The following ZCCHC2 variants were observed in gnomAD, a reference collection of about 807,000 sequenced individuals.
ZCCHC2 encodes zinc finger CCHC-type containing 2.
Under a neutral mutation model 103.6 loss-of-function variants are expected in ZCCHC2, and 39 were observed. That is an observed-to-expected ratio of 0.38 (90% confidence interval 0.29 to 0.49). ZCCHC2 has a LOEUF of 0.49. Ranked by LOEUF, ZCCHC2 falls within the 20% of genes least tolerant of loss-of-function variation. The pLI is 0.96. For synonymous variants in ZCCHC2, 687 were observed against 608.9 expected, an observed-to-expected ratio of 1.13 and a Z score of -1.89; for missense variants, 1,483 against 1,491.0, an observed-to-expected ratio of 0.99 and a Z score of 0.09.
At chr18:62,526,052 G>C (rs1346926165) in intron 1 of ZCCHC2, 1 of 152,068 alleles carries the variant, frequency 6.6e-6, no homozygotes, top group African/African-American at 2.4e-5. Flanking sequence ...CTTGATTTCT[G>C]ATTTTAACTG....
At chr18:62,534,593 C>T (rs1042227899) in intron 1 of ZCCHC2, among the ~76,000 whole-genome samples, 5 of 152,116 alleles carry the variant, frequency 3.3e-5, no homozygotes, top group African/African-American at 4.8e-5. Flanking sequence ...CTGAAGTGAA[C>T]GCTCTATAAC....
At chr18:62,558,282 C>T (rs528333451) in intron 6 of ZCCHC2, among the ~76,000 whole-genome samples, 14 of 152,260 alleles carry the variant, frequency 9.2e-5, no homozygotes, top group African/African-American at 3.1e-4. Context: ...GAGAGATTAA[C>T]AATTTGACAG....
intron 12 of ZCCHC2, among the ~76,000 whole-genome samples, chr18:62,571,035 C>T (rs1488903898): frequency 6.6e-6 from 1 of 152,236 alleles, no homozygotes; most frequent in African/African-American, 2.4e-5. Context: ...TTCAAAGCCT[C>T]CTGTAGCCAT....
chr18:62,557,254 C>T (rs1052964225), intron 6 of ZCCHC2, among the ~76,000 whole-genome samples: 2 of 152,178 alleles, frequency 1.3e-5, no homozygotes, highest in Admixed American at 6.5e-5. Flanking sequence ...GTAACATTGG[C>T]GTGTCCTTTA....
chr18:62,555,019 A>G (rs1191069116), intron 5 of ZCCHC2, among the ~76,000 whole-genome samples: 1 of 152,210 alleles, frequency 6.6e-6, no homozygotes, highest in African/African-American at 2.4e-5. Context: ...ATGCGCATTA[A>G]AAGTGTTCAA....
At position 62,539,694 on chromosome 18, in the gene ZCCHC2, A is replaced by T. The variant is rs373430765; in HGVS notation, c.953A>T (p.His318Leu). 6.3e-7 allele frequency: 1 copy of T among 1,593,048 alleles called. No homozygotes were observed. The highest frequency in any genetic ancestry group is 8.6e-7 in the Non-Finnish European group (1 of 1,169,176). ...AGPRAQNNSA[H>L]GDYMQNNESS... The stretch of plus-strand genomic sequence containing the variant: ...TTTCTCATCTAGAACAACTCTGCTC[A>T]TGGTGATTACATGCAAAATAACGAG... Residue 318 changes from histidine to leucine, a missense_variant, in exon 2 of 14, where the codon CAT (histidine) becomes CTT (leucine). This residue lies in a region of ZCCHC2 where 568 missense variants were observed against 525.1 expected (regional missense o/e 1.08). Transcript: ENST00000269499.
exon 15 of ZCCHC2, chr18:62,584,448 C>G (rs1340726730): frequency 6.6e-6 from 1 of 152,086 alleles, no homozygotes; most frequent in Non-Finnish European, 1.5e-5. Context: ...TCTTGCAGTT[C>G]CAATTTGAGC....
chr18:62,526,737 G>T (rs942260754), intron 1 of ZCCHC2, among the ~76,000 whole-genome samples: 3 of 152,052 alleles, frequency 2.0e-5, no homozygotes, highest in African/African-American at 4.8e-5. Context: ...CGGAGGTCAC[G>T]CAACGCCCGG....
chr18:62,524,697 T>C, intron 1 of ZCCHC2: 1 of 314,584 alleles, frequency 3.2e-6, no homozygotes, highest in Non-Finnish European at 5.8e-6. Flanking sequence ...CGTTTTTGGC[T>C]CTGAGCATCT....
At chr18:62,550,644 A>T (rs549176454) in intron 5 of ZCCHC2, among the ~76,000 whole-genome samples, 184 bp downstream of exon 5, 24 of 152,356 alleles carry the variant, frequency 1.6e-4, no homozygotes, top group African/African-American at 5.8e-4. Context: ...TAGTTTCATC[A>T]TTGTACTCTT....
intron 1 of ZCCHC2, among the ~76,000 whole-genome samples, chr18:62,527,461 A>G (rs1914483899): frequency 6.6e-6 from 1 of 152,240 alleles, no homozygotes; most frequent in African/African-American, 2.4e-5. Flanking sequence ...TTGGAAATAC[A>G]GGAAAGCTCA....
chr18:62,549,380 T>C (rs17070083), intron 4 of ZCCHC2, among the ~76,000 whole-genome samples: 33,663 of 152,208 alleles, frequency 0.22, 3,958 homozygotes, highest in South Asian at 0.31. Flanking sequence ...CAATGAGGAA[T>C]GCTTTATGCT....
chr18:62,538,990 TTTAC>T (rs938812170), intron 1 of ZCCHC2, among the ~76,000 whole-genome samples: 15 of 94,932 alleles, frequency 1.6e-4, no homozygotes, highest in East Asian at 8.0e-4. Context: ...AGGCTATTTA[TTTAC>T]TTACTTAATA....
At chr18:62,527,163 C>T (rs1914463874) in intron 1 of ZCCHC2, among the ~76,000 whole-genome samples, 1 of 152,110 alleles carries the variant, frequency 6.6e-6, no homozygotes, top group African/African-American at 2.4e-5. Context: ...AAGTTAGCAT[C>T]TTTTTAATTC....
chr18:62,567,170 T>TA (rs1568555383), intron 11 of ZCCHC2, among the ~76,000 whole-genome samples: 4 of 152,218 alleles, frequency 2.6e-5, no homozygotes, highest in African/African-American at 9.6e-5. Context: ...TTCCAACTTT[T>TA]AAAAAACCCC....
intron 14 of ZCCHC2, among the ~76,000 whole-genome samples, chr18:62,583,656 A>G (rs1598974660): frequency 1.6e-5 from 1 of 63,072 alleles, no homozygotes; most frequent in South Asian, 7.4e-4. Context: ...TAAAAGAATA[A>G]AAAAATACTG....
At position 62,577,571 on chromosome 18, in the gene ZCCHC2, A is replaced by T. The variant is rs932553873; in HGVS notation, c.*992A>T. 2 of 152,616 alleles carry T rather than the reference A, an allele frequency of 1.3e-5. No individual in the cohort carries two copies. Among genetic ancestry groups the T allele is most frequent in the Non-Finnish European group, 2.9e-5 (2 of 68,038 alleles). The allele number at this position is 152,616 out of a possible 1,614,324, so 9.5% of individuals were successfully genotyped here. ...GTATGGTTTATTGCAATCTGAACAGAGCTATGGGTTTCTACCATAAGTCAG... is the reference window on the plus strand; with the variant it reads ...GTATGGTTTATTGCAATCTGAACAGTGCTATGGGTTTCTACCATAAGTCAG... On this transcript the variant is annotated 3_prime_UTR_variant, in exon 14 of 14. Coordinates refer to ENST00000269499, the MANE Select transcript of ZCCHC2 (RefSeq NM_017742.6).
chr18:62,554,983 G>A (rs574155580), intron 5 of ZCCHC2, among the ~76,000 whole-genome samples: 4 of 152,250 alleles, frequency 2.6e-5, no homozygotes, highest in African/African-American at 9.6e-5. Context: ...CAAAAACCTT[G>A]GGGGAGAAAT....
chr18:62,551,092 A>G (rs1282112186), intron 5 of ZCCHC2: 1 of 152,230 alleles, frequency 6.6e-6, no homozygotes, highest in Non-Finnish European at 1.5e-5. Flanking sequence ...AGGGAAATGT[A>G]CTTGTTTCGT....
Sources: gnomAD v4.1 joint callset for allele counts (sites outside exome capture counted in the v4.1 genomes callset) on GRCh38, gnomAD v4.1.1 for gene constraint, gnomAD v4.1.1 regional missense constraint, MANE v1.5 for transcripts, NCBI Gene and HGNC (gene_info 2026-07-23, HGNC 2026-07-21) for gene names.